CTDP1: variants seen among roughly 807,000 people sequenced by gnomAD.
The protein encoded by CTDP1 is CTD phosphatase 1.
A neutral mutation model predicts 91.8 loss-of-function variants in CTDP1; 47 were observed. The ratio of observed to expected loss-of-function variants is 0.51; its 90% confidence interval spans 0.41 to 0.65. CTDP1 has a LOEUF of 0.65. Ranked by LOEUF, CTDP1 falls within the 30% of genes least tolerant of loss-of-function variation. The probability of loss-of-function intolerance (pLI) is 0.00; values close to 1 mark genes in which losing one functional copy is unlikely to be tolerated. For missense variants in CTDP1, 1,272 were observed against 1,373.7 expected, an observed-to-expected ratio of 0.93 and a Z score of 1.17; for synonymous variants, 656 against 598.5, an observed-to-expected ratio of 1.10 and a Z score of -1.40.
intron 4 of CTDP1, among the ~76,000 whole-genome samples, chr18:79,701,559 AAATAAATAAAT>A (rs1398814200): frequency 6.7e-6 from 1 of 149,994 alleles, no homozygotes; most frequent in African/African-American, 2.5e-5. Context: ...ATAAATAAAT[AAATAAATAAAT>A]AAAAGAGCTA....
intron 12 of CTDP1, among the ~76,000 whole-genome samples, chr18:79,739,498 G>A (rs1041959403): frequency 6.6e-6 from 1 of 152,086 alleles, no homozygotes; most frequent in African/African-American, 2.4e-5. Context: ...CGCAAGCACG[G>A]AACTGACCCT....
intron 4 of CTDP1, 118 bp from the exon 5 acceptor site, chr18:79,704,649 G>C: frequency 7.2e-7 from 1 of 1,397,034 alleles, no homozygotes; most frequent in Non-Finnish European, 1.0e-6. Context: ...CGTGTCTTCA[G>C]AACGCTTGTC....
rs564311662 is a variant in CTDP1, at chr18:79,680,097, C to G, written c.150C>G (p.Ala50=). The G allele has an allele frequency of 1.4e-3, 1,904 of 1,409,768 alleles. 23 individuals carry two copies. The African/African-American group carries it at 0.026, about 19-fold the overall frequency. The allele number at this position is 1,409,768 out of a possible 1,614,324, so 87.3% of individuals were successfully genotyped here. The change falls in exon 1 of 13, where the codon GCC becomes GCG. Residue 50 remains alanine, a synonymous_variant. Transcript: ENST00000613122. ...CCGTGCGCATCGGCTCGGTGCTGGC[C>G]GTGTTCGAGGCCGCCGCCTCCGCGC... ...GAAVRIGSVL[A]VFEAAASAQS...
intron 1 of CTDP1, among the ~76,000 whole-genome samples, chr18:79,692,825 C>T (rs998007191): frequency 2.6e-5 from 4 of 152,200 alleles, no homozygotes; most frequent in Admixed American, 2.0e-4. Flanking sequence ...AGGAGCTGTG[C>T]AGAGTTTCCT....
At chr18:79,680,465 G>A (rs1049564534) in intron 1 of CTDP1, among the ~76,000 whole-genome samples, 2 of 152,312 alleles carry the variant, frequency 1.3e-5, no homozygotes, top group South Asian at 2.1e-4. Flanking sequence ...TGAGATAAAA[G>A]GAAAGGGTCC....
chr18:79,685,549 A>G (rs902193447), intron 1 of CTDP1: 21 of 152,228 alleles, frequency 1.4e-4, no homozygotes, highest in African/African-American at 4.6e-4. Context: ...AGAGTGCCAC[A>G]GAGAAGCAGA....
At chr18:79,730,448 G>T (rs917178358) in intron 11 of CTDP1, among the ~76,000 whole-genome samples, 4 of 152,264 alleles carry the variant, frequency 2.6e-5, no homozygotes, top group Non-Finnish European at 5.9e-5. Context: ...TCAGGCAGTG[G>T]TGACAACTGG....
rs910451192 is a variant in CTDP1 at position 79,736,305 on chromosome 18, G to T, written c.2581-50G>T. Reference sequence around the variant, plus strand: ...CTGCCGGGAGAAGCCTGTTGCGGAGGAACGGGGCCCGGGAAGGAGGTCTGT... The same window carrying T: ...CTGCCGGGAGAAGCCTGTTGCGGAGTAACGGGGCCCGGGAAGGAGGTCTGT... On this transcript the variant is annotated intron_variant, in intron 11 of 12. Coordinates refer to ENST00000613122, the MANE Select transcript of CTDP1 (RefSeq NM_004715.5). 7.8e-6 allele frequency: 12 copies of T among 1,548,278 alleles called. No homozygotes were observed. The Admixed American group carries it at 2.4e-4, about 30-fold the overall frequency.
chr18:79,725,947 T>C (rs1355359749), intron 10 of CTDP1, among the ~76,000 whole-genome samples: 1 of 152,256 alleles, frequency 6.6e-6, no homozygotes, highest in Non-Finnish European at 1.5e-5. Context: ...TCCACGTTTT[T>C]CTCTGTCTTT....
chr18:79,752,284 G>C (rs1032913132), intron 12 of CTDP1, among the ~76,000 whole-genome samples: 28 of 141,874 alleles, frequency 2.0e-4, no homozygotes, highest in Admixed American at 2.8e-4. Context: ...TAGTGGCACC[G>C]GCTGGTTATG....
intron 12 of CTDP1, among the ~76,000 whole-genome samples, chr18:79,749,032 G>A (rs938601824): frequency 2.0e-5 from 3 of 152,224 alleles, no homozygotes; most frequent in South Asian, 2.1e-4. Context: ...TTATGCTGGC[G>A]TTTCTGAAGG....
chr18:79,708,853 C>T (rs925905930), intron 5 of CTDP1, among the ~76,000 whole-genome samples: 4 of 152,256 alleles, frequency 2.6e-5, no homozygotes, highest in African/African-American at 7.2e-5. Context: ...ATTTCAGCCT[C>T]TTGGGAGAGT....
intron 11 of CTDP1, chr18:79,736,137 C>A (rs893835503): frequency 3.2e-6 from 2 of 615,480 alleles, no homozygotes; most frequent in Non-Finnish European, 5.8e-6. Context: ...GCCTGCGAAC[C>A]GACTGGGTTT....
intron 11 of CTDP1, among the ~76,000 whole-genome samples, chr18:79,735,320 A>G (rs937362687): frequency 2.6e-5 from 4 of 151,974 alleles, no homozygotes; most frequent in Admixed American, 6.5e-5. Context: ...GCGCTGGGGG[A>G]CTGTGGTCAG....
Position 79,712,984 on chromosome 18 carries a change from T to A in CTDP1, c.876T>A (p.Pro292=). Residue 292 remains proline, a synonymous_variant, in exon 7 of 13, where the codon CCT becomes CCA. Transcript: ENST00000613122. ...TTTTCACTTGTAGAAATCTCTTTCCTTGTGGAGACTCAATGGTTTGCATTA... is the reference window on the plus strand; with the variant it reads ...TTTTCACTTGTAGAAATCTCTTTCCATGTGGAGACTCAATGGTTTGCATTA... ...SKTGNLRNLF[P]CGDSMVCIID... 1 of 1,614,138 alleles carries A rather than the reference T, an allele frequency of 6.2e-7. No homozygotes were observed. Among genetic ancestry groups the A allele is most frequent in the Non-Finnish European group, 8.5e-7 (1 of 1,179,976 alleles).
At chr18:79,745,307 C>G (rs376622322) in intron 12 of CTDP1, among the ~76,000 whole-genome samples, 2,431 of 67,190 alleles carry the variant, frequency 0.036, 1 homozygote, top group South Asian at 0.065. Context: ...CTCCCGTGCG[C>G]GTTCTGTCCC....
intron 10 of CTDP1, among the ~76,000 whole-genome samples, chr18:79,718,709 T>G (rs2086271565): frequency 6.6e-6 from 1 of 151,460 alleles, no homozygotes; most frequent in Admixed American, 6.6e-5. Context: ...GAGATTTAAG[T>G]GAGGAGTCTT....
At chr18:79,702,287 G>A (rs1179237139) in intron 4 of CTDP1, among the ~76,000 whole-genome samples, 2 of 150,996 alleles carry the variant, frequency 1.3e-5, no homozygotes, top group African/African-American at 5.0e-5. Flanking sequence ...GCATCAAGGT[G>A]AGACCCTGCG....
intron 12 of CTDP1, among the ~76,000 whole-genome samples, chr18:79,738,714 ATT>A (rs2086717097): frequency 1.3e-5 from 2 of 152,222 alleles, no homozygotes; most frequent in African/African-American, 4.8e-5. Flanking sequence ...CAAGATAGTC[ATT>A]GTTCCGTTTG....
Sources: allele counts gnomAD v4.1 joint callset (sites outside exome capture counted in the v4.1 genomes callset), GRCh38; gene constraint gnomAD v4.1.1; transcripts MANE v1.5; gene names NCBI Gene and HGNC (gene_info 2026-07-23, HGNC 2026-07-21).